SNED1: variants seen among roughly 807,000 people sequenced by gnomAD.
SNED1 encodes the protein sushi, nidogen and EGF-like domain-containing protein 1.
Under a neutral mutation model 166.7 loss-of-function variants are expected in SNED1, and 81 were observed. That is an observed-to-expected ratio of 0.49 (90% CI 0.41 to 0.58). SNED1 has a LOEUF of 0.58. Among genes scored for constraint, SNED1 ranks in the 20% least tolerant of loss-of-function variants. The pLI, the probability that SNED1 is intolerant of heterozygous loss-of-function variation, is 0.00. For missense variants in SNED1, 1,604 were observed against 2,000.2 expected, an observed-to-expected ratio of 0.80 and a Z score of 3.78; for synonymous variants, 762 against 822.0, an observed-to-expected ratio of 0.93 and a Z score of 1.25.
intron 8 of SNED1, among the ~76,000 whole-genome samples, chr2:241,045,636 A>G (rs1353425895): frequency 3.3e-5 from 5 of 151,994 alleles, no homozygotes; most frequent in Non-Finnish European, 5.9e-5. Flanking sequence ...CACACCTTAT[A>G]CAAAGATTAA....
chr2:241,050,100 C>CA, intron 12 of SNED1, 167 bp downstream of exon 12: 1 of 686,370 alleles, frequency 1.5e-6, no homozygotes, highest in East Asian at 2.7e-5. Context: ...GTGAGCACCT[C>CA]ACTGTTTGGA....
At chr2:241,090,058 T>A (rs577615440) in intron 31 of SNED1, 1 of 1,533,828 alleles carries the variant, frequency 6.5e-7, no homozygotes, top group South Asian at 1.2e-5. Context: ...CAATAAGAAA[T>A]TAACCTTAGC....
At position 241,064,104 on chromosome 2, in the gene SNED1, T is replaced by C; in HGVS notation, c.2578T>C (p.Phe860Leu). Residue 860 changes from phenylalanine to leucine, a missense_variant, in exon 19 of 32, where the codon TTC becomes CTC. Physicochemically the swap from Phe to Leu is conservative, Grantham distance 22. Coordinates refer to ENST00000310397, the MANE Select transcript of SNED1 (RefSeq NM_001080437.3). The surrounding 1 kb of genome is among the most constrained non-coding windows in gnomAD (Gnocchi z 7.0). ...AYLCVCPESF[F>L]GYHCETVSDP... is the part of the protein sequence containing the mutation. ...CCTGTGCGTCTGCCCAGAGAGCTTC[T>C]TCGGCTACCACTGCGAGACAGGTAG... 2 of 1,564,906 alleles carry C rather than the reference T, an allele frequency of 1.3e-6. No homozygotes were observed. The highest frequency in any genetic ancestry group is 1.7e-6 in the Non-Finnish European group (2 of 1,156,280).
In SNED1 at chr2:241,028,304, T is replaced by C. The variant is rs375227988; in HGVS notation, c.214-1980T>C. Among the ~76,000 whole-genome samples, 7 of 152,360 alleles carry C rather than the reference T, an allele frequency of 4.6e-5. No homozygotes were observed. The East Asian group carries it at 1.3e-3, about 29-fold the overall frequency. ...ATTTTTAATTTTCATGAAGTCCGATTTGTCTGTTTTTTCTTTTGTTGCCTG... is the reference window on the plus strand; with the variant it reads ...ATTTTTAATTTTCATGAAGTCCGATCTGTCTGTTTTTTCTTTTGTTGCCTG... On this transcript the variant is annotated intron_variant, in intron 1 of 31. Coordinates refer to ENST00000310397, the MANE Select transcript of SNED1 (RefSeq NM_001080437.3).
At chr2:241,071,448 C>A in intron 24 of SNED1, 128 bp from the exon 25 acceptor site, 1 of 1,106,298 alleles carries the variant, frequency 9.0e-7, no homozygotes, top group Non-Finnish European at 1.3e-6. Flanking sequence ...TGACCACGGC[C>A]CACGCACATG....
chr2:241,010,762 C>A (rs1346421946), intron 1 of SNED1: 1 of 152,472 alleles, frequency 6.6e-6, no homozygotes, highest in African/African-American at 2.4e-5. Flanking sequence ...GTGTGTGAGC[C>A]CCTCCCAGGA....
chr2:241,073,064 C>G lies in SNED1; in HGVS notation c.3818-202C>G, dbSNP rs945361222. 2.1e-5 allele frequency: 12 copies of G among 567,874 alleles called. No individual in the cohort carries two copies. Among genetic ancestry groups the G allele is most frequent in the Admixed American group, 6.0e-5 (2 of 33,072 alleles). 35.2% of individuals were successfully genotyped at this position (567,874 alleles called of 1,614,324 possible). On this transcript the variant is annotated intron_variant, in intron 26 of 31. Transcript: ENST00000310397. This position sits in a 1 kb window ranked among gnomAD's most constrained non-coding sequence, Gnocchi z 6.6. ...CTGCAAGGGGAAGGCCGAGCCCCTCCAGAGGGTCAGCAGGAGGGTGAGGCC... is the reference window on the plus strand; with the variant it reads ...CTGCAAGGGGAAGGCCGAGCCCCTCGAGAGGGTCAGCAGGAGGGTGAGGCC...
chr2:241,058,516 G>A (rs920252562), intron 16 of SNED1, among the ~76,000 whole-genome samples: 4 of 152,182 alleles, frequency 2.6e-5, no homozygotes, highest in African/African-American at 9.6e-5. Flanking sequence ...AAAGCCTAAT[G>A]TAACATGTTT....
chr2:241,015,912 G>C (rs1339769140), intron 1 of SNED1: 1 of 152,270 alleles, frequency 6.6e-6, no homozygotes, highest in African/African-American at 2.4e-5. Context: ...ATTGCCGGCA[G>C]CCTTCTCCTT....
chr2:241,082,144 C>T (rs2063358412), intron 28 of SNED1, 133 bp from the exon 29 acceptor site: 5 of 699,990 alleles, frequency 7.1e-6, no homozygotes, highest in Non-Finnish European at 1.2e-5. Flanking sequence ...CCCCCGGGCC[C>T]TCTCCCACCA....
At chr2:241,037,591 A>G (rs2061413369) in intron 6 of SNED1, among the ~76,000 whole-genome samples, 1 of 152,152 alleles carries the variant, frequency 6.6e-6, no homozygotes, top group African/African-American at 2.4e-5. Flanking sequence ...TGGCATTCGG[A>G]CCAGGGATGG....
At chr2:241,009,323 C>T (rs1441451097) in intron 1 of SNED1, among the ~76,000 whole-genome samples, 1 of 152,146 alleles carries the variant, frequency 6.6e-6, no homozygotes, top group South Asian at 2.1e-4. Flanking sequence ...GGTGTGGACA[C>T]CCAGACAGTG....
intron 2 of SNED1, among the ~76,000 whole-genome samples, chr2:241,031,682 G>A (rs192013804): frequency 1.3e-5 from 2 of 152,236 alleles, no homozygotes; most frequent in African/African-American, 4.8e-5. Context: ...GCCCTTACTG[G>A]CTCTAGTCCG....
chr2:241,065,098 C>G, intron 20 of SNED1, 141 bp downstream of exon 20: 2 of 816,830 alleles, frequency 2.4e-6, no homozygotes, highest in South Asian at 3.6e-5. Flanking sequence ...GGATAAAATC[C>G]CCCGGTGGGC....
At chr2:241,035,892 ATGG>A in intron 4 of SNED1, among the ~76,000 whole-genome samples, 1 of 68,482 alleles carries the variant, frequency 1.5e-5, no homozygotes, top group East Asian at 6.2e-4. Flanking sequence ...GGGGCGTGCC[ATGG>A]GGTGGGGGGT....
At chr2:241,025,101 A>G (rs2060914139) in intron 1 of SNED1, among the ~76,000 whole-genome samples, 1 of 152,220 alleles carries the variant, frequency 6.6e-6, no homozygotes, top group African/African-American at 2.4e-5. Flanking sequence ...GCCTCACAGC[A>G]GGCAGCAAGC....
At chr2:241,045,074 T>C (rs1175787093) in intron 8 of SNED1, among the ~76,000 whole-genome samples, 1 of 152,198 alleles carries the variant, frequency 6.6e-6, no homozygotes, top group Non-Finnish European at 1.5e-5. Flanking sequence ...TCCTCTCAAA[T>C]TGAAAGACTT....
Position 241,051,905 on chromosome 2 carries a change from G to C in SNED1, c.1852+45G>C, listed in dbSNP as rs1380750922. On this transcript the variant is annotated intron_variant, in intron 13 of 31. Coordinates refer to ENST00000310397, the MANE Select transcript of SNED1 (RefSeq NM_001080437.3). The surrounding 1 kb of genome is among the most constrained non-coding windows in gnomAD (Gnocchi z 4.7). ...GGGGGAGGGCAGGAACGACGGGCCA[G>C]CCCTGAGCTGGGGCCCCTGATGCAC... 1.3e-6 allele frequency: 2 copies of C among 1,506,002 alleles called. No individual in the cohort carries two copies. The highest frequency in any genetic ancestry group is 1.8e-6 in the Non-Finnish European group (2 of 1,114,914). 93.3% of individuals were successfully genotyped at this position (1,506,002 alleles called of 1,614,324 possible).
chr2:241,070,217 C>G lies in SNED1; in HGVS notation c.3589+16C>G, dbSNP rs1270515078. The stretch of plus-strand genomic sequence containing the variant: ...ATCATCACCTGTGAGTGCCGTGGGC[C>G]CTGCGCGTGGGCGGGGCCAGTGTTT... On this transcript the variant is annotated intron_variant, in intron 24 of 31. Coordinates refer to ENST00000310397, the MANE Select transcript of SNED1 (RefSeq NM_001080437.3). 6.3e-7 allele frequency: 1 copy of G among 1,592,714 alleles called. No individual in the cohort carries two copies. Among genetic ancestry groups the G allele is most frequent in the Non-Finnish European group, 8.5e-7 (1 of 1,172,638 alleles).
Sources: allele counts gnomAD v4.1 joint callset (sites outside exome capture counted in the v4.1 genomes callset), GRCh38; gene constraint gnomAD v4.1.1; non-coding constraint Gnocchi (gnomAD v3.1); transcripts MANE v1.5; gene names NCBI Gene and HGNC (gene_info 2026-07-23, HGNC 2026-07-21).